COMMD1: variants seen among roughly 807,000 people sequenced by gnomAD.
The protein encoded by COMMD1 is copper metabolism domain containing 1.
Under a neutral mutation model 17.2 loss-of-function variants are expected in COMMD1, and 10 were observed. That is an observed-to-expected ratio of 0.58 (90% CI 0.36 to 0.99). The LOEUF (loss-of-function observed/expected upper bound fraction) is 0.99. COMMD1 is among the 50% of genes least tolerant of loss of function. The pLI is 0.01. For synonymous variants in COMMD1, 97 were observed against 91.6 expected, an observed-to-expected ratio of 1.06 and a Z score of -0.34; for missense variants, 270 against 231.8, an observed-to-expected ratio of 1.17 and a Z score of -1.07.
intron 2 of COMMD1, among the ~76,000 whole-genome samples, chr2:62,065,553 C>T (rs922643998): frequency 1.3e-5 from 2 of 151,914 alleles, no homozygotes; most frequent in African/African-American, 4.8e-5. Context: ...CTCCTGGGCT[C>T]AAGCCATCCC....
intron 1 of COMMD1, among the ~76,000 whole-genome samples, chr2:61,987,752 C>T (rs780291780): frequency 6.6e-6 from 1 of 152,174 alleles, no homozygotes; most frequent in Non-Finnish European, 1.5e-5. Flanking sequence ...TGTGACCTTC[C>T]ATTCAGGGGA....
chr2:62,047,210 A>G (rs368094027), intron 2 of COMMD1, among the ~76,000 whole-genome samples: 18 of 152,232 alleles, frequency 1.2e-4, no homozygotes, highest in Admixed American at 9.8e-4. Flanking sequence ...GACAGACTGC[A>G]TATATGATGC....
At chr2:62,086,789 C>A in intron 2 of COMMD1, among the ~76,000 whole-genome samples, 1 of 151,844 alleles carries the variant, frequency 6.6e-6, no homozygotes. Context: ...ACTGTTAACT[C>A]TTTAATAAAG....
intron 2 of COMMD1, among the ~76,000 whole-genome samples, chr2:62,056,251 TC>T (rs1386421463): frequency 6.6e-6 from 1 of 152,152 alleles, no homozygotes; most frequent in Non-Finnish European, 1.5e-5. Context: ...AAAATTAGCA[TC>T]CACATTTAAG....
chr2:62,030,014 G>A (rs989787334), intron 2 of COMMD1, among the ~76,000 whole-genome samples: 2 of 152,246 alleles, frequency 1.3e-5, no homozygotes, highest in African/African-American at 2.4e-5. Context: ...GCAAAGTATG[G>A]ACAGCCATGT....
chr2:62,092,037 G>T (rs970041236), intron 2 of COMMD1, among the ~76,000 whole-genome samples: 8 of 152,170 alleles, frequency 5.3e-5, no homozygotes, highest in African/African-American at 1.9e-4. Context: ...TATGGGCTTT[G>T]CCTGCAGGAA....
At chr2:61,976,458 C>T (rs1671804933) in intron 1 of COMMD1, among the ~76,000 whole-genome samples, 1 of 151,808 alleles carries the variant, frequency 6.6e-6, no homozygotes, top group Admixed American at 6.6e-5. Context: ...GTCAGTTCTC[C>T]AAAAAAACAT....
intron 1 of COMMD1, among the ~76,000 whole-genome samples, chr2:61,933,760 T>G (rs1041021541): frequency 5.2e-5 from 7 of 133,586 alleles, no homozygotes; most frequent in Non-Finnish European, 1.1e-4. Flanking sequence ...CAACTTTTGT[T>G]TTTCTTTTTT....
intron 2 of COMMD1, among the ~76,000 whole-genome samples, chr2:62,017,732 A>G (rs1669493073): frequency 1.3e-5 from 2 of 151,880 alleles, no homozygotes; most frequent in Non-Finnish European, 2.9e-5. Context: ...CTGTTCATGT[A>G]ATTCTTTAAA....
chr2:62,113,583 C>T (rs1363401015), intron 2 of COMMD1, among the ~76,000 whole-genome samples: 1 of 152,124 alleles, frequency 6.6e-6, no homozygotes, highest in Non-Finnish European at 1.5e-5. Context: ...GGGGTTTCAC[C>T]ATGTTGGCCA....
rs1418159322 is a variant in COMMD1 at position 62,037,944 on chromosome 2, G to GAA, written c.462+36963_462+36964dup. Among the ~76,000 whole-genome samples the GAA allele has an allele frequency of 2.6e-5, 4 of 152,292 alleles. No homozygotes were observed. In the East Asian group the frequency reaches 7.7e-4, roughly 29 times the overall value. On this transcript the variant is annotated intron_variant, in intron 2 of 2. Coordinates refer to ENST00000311832, the MANE Select transcript of COMMD1 (RefSeq NM_152516.4). ...TTCTCAGTTTTTCACATATAAAACA[G>GAA]AACTAATTCGGTCTGCCTCACAGAG...
intron 2 of COMMD1, among the ~76,000 whole-genome samples, chr2:62,068,296 A>G (rs886134904): frequency 2.0e-5 from 3 of 152,258 alleles, no homozygotes; most frequent in African/African-American, 7.2e-5. Flanking sequence ...AAAATGGATC[A>G]TAAAACTATA....
At chr2:62,034,598 C>T (rs920980140) in intron 2 of COMMD1, among the ~76,000 whole-genome samples, 2 of 152,204 alleles carry the variant, frequency 1.3e-5, no homozygotes, top group Admixed American at 6.5e-5. Flanking sequence ...TCATGAACAT[C>T]TAAATGTTTT....
intron 1 of COMMD1, among the ~76,000 whole-genome samples, chr2:61,948,705 A>G (rs189330862): frequency 6.6e-6 from 1 of 152,364 alleles, no homozygotes; most frequent in East Asian, 1.9e-4. Flanking sequence ...ATGAGGGCTA[A>G]AACTTTTTAC....
exon 1 of COMMD1, chr2:61,888,754 A>G (rs556112299): frequency 7.6e-6 from 4 of 526,026 alleles, no homozygotes; most frequent in African/African-American, 4.0e-5. Context: ...GGCTGGCGAG[A>G]TTGTACGCCC....
chr2:62,113,027 A>G (rs1021251764), intron 2 of COMMD1, among the ~76,000 whole-genome samples: 1 of 152,014 alleles, frequency 6.6e-6, no homozygotes, highest in African/African-American at 2.4e-5. Context: ...CTGAGAAGAG[A>G]TTTTTCTCCT....
intron 1 of COMMD1, among the ~76,000 whole-genome samples, chr2:61,954,157 C>T (rs1328565098): frequency 2.0e-5 from 3 of 151,894 alleles, no homozygotes; most frequent in East Asian, 3.9e-4. Flanking sequence ...TGCAATGAGC[C>T]GAGATTGCGC....
At chr2:62,121,599 GTGT>G (rs1672748450) in intron 2 of COMMD1, among the ~76,000 whole-genome samples, 1 of 151,460 alleles carries the variant, frequency 6.6e-6, no homozygotes, top group Non-Finnish European at 1.5e-5. Flanking sequence ...TTAGCCAGGC[GTGT>G]TGGTGTGCAC....
intron 1 of COMMD1, among the ~76,000 whole-genome samples, chr2:61,915,926 C>A (rs1670036396): frequency 6.6e-6 from 1 of 152,054 alleles, no homozygotes; most frequent in Non-Finnish European, 1.5e-5. Context: ...CCTGCCTCAG[C>A]CTCCTAAAGT....
Sources: allele counts gnomAD v4.1 joint callset (sites outside exome capture counted in the v4.1 genomes callset), GRCh38; gene constraint gnomAD v4.1.1; transcripts MANE v1.5; gene names NCBI Gene and HGNC (gene_info 2026-07-23, HGNC 2026-07-21).